The following EGFLAM variants were observed in gnomAD, a reference collection of about 807,000 sequenced individuals.
EGFLAM encodes EGF like, fibronectin type III and laminin G domains.
In EGFLAM, 79 loss-of-function variants were observed where a neutral mutation model predicts 113.1. The ratio of observed to expected loss-of-function variants is 0.70; its 90% CI spans 0.58 to 0.84. The LOEUF (loss-of-function observed/expected upper bound fraction) is 0.84, where lower values mean the gene tolerates loss of function less well. EGFLAM is among the 40% of genes least tolerant of loss of function. EGFLAM has a pLI of 0.00. For missense variants in EGFLAM, 1,265 were observed against 1,291.6 expected (o/e 0.98, Z 0.32); for synonymous variants, 504 against 487.6 (o/e 1.03, Z -0.44).
At position 38,438,326 on chromosome 5, in the gene EGFLAM, G is replaced by A. The variant is rs368992352; in HGVS notation, c.2335G>A (p.Val779Met). 41 of 1,614,042 alleles carry A rather than the reference G, an allele frequency of 2.5e-5. No individual in the cohort carries two copies. Among genetic ancestry groups the A allele is most frequent in the Non-Finnish European group, 3.3e-5 (39 of 1,180,028 alleles). Residue 779 changes from valine to methionine, a missense_variant, in exon 17 of 22, where the codon GTG (valine) becomes ATG (methionine). Transcript: ENST00000322350. ...TGTGAAGCATGACTTCACCTCCGGA[G>A]TGAATGTGGAGAATGCGGCCCACCC... ...IHVKHDFTSGVNVENAAHPCV... is the reference protein window; with the variant it reads ...IHVKHDFTSGMNVENAAHPCV...
At chr5:38,265,897 A>G (rs1360281712) in intron 1 of EGFLAM, among the ~76,000 whole-genome samples, 1 of 152,222 alleles carries the variant, frequency 6.6e-6, no homozygotes, top group Non-Finnish European at 1.5e-5. Flanking sequence ...ACATGCCAAA[A>G]GAGAGTTTGG....
intron 1 of EGFLAM, among the ~76,000 whole-genome samples, chr5:38,276,647 A>T (rs1757894204): frequency 6.6e-6 from 1 of 152,100 alleles, no homozygotes; most frequent in South Asian, 2.1e-4. Flanking sequence ...TGGTTTTTTT[A>T]AAAAAGATAA....
rs767382548 is a variant in EGFLAM at position 38,406,910 on chromosome 5, C to A, written c.911C>A (p.Thr304Asn). 1 of 1,614,212 alleles carries A rather than the reference C, an allele frequency of 6.2e-7. No individual in the cohort carries two copies. The highest frequency in any genetic ancestry group is 8.5e-7 in the Non-Finnish European group (1 of 1,180,042). ...AAGATGTCTATATCTAACCCAAAGA[C>A]CATTTCTAGGCTCATCCCCCCTACC... ...SKKMSISNPK[T>N]ISRLIPPTSA... The change falls in exon 8 of 22, where the codon ACC becomes AAC. Residue 304 changes from threonine to asparagine, a missense_variant. Physicochemically the swap from Thr to Asn is moderately conservative, Grantham distance 65. Coordinates refer to ENST00000322350, the MANE Select transcript of EGFLAM (RefSeq NM_152403.4).
chr5:38,386,690 A>G (rs1740671027), intron 6 of EGFLAM, among the ~76,000 whole-genome samples: 1 of 152,072 alleles, frequency 6.6e-6, no homozygotes, highest in African/African-American at 2.4e-5. Flanking sequence ...TATTTTTAGT[A>G]GAGACGGGGT....
At chr5:38,363,817 A>C (rs760768767) in intron 5 of EGFLAM, among the ~76,000 whole-genome samples, 10 of 152,186 alleles carry the variant, frequency 6.6e-5, no homozygotes, top group Admixed American at 2.0e-4. Context: ...GTTGTCTTAG[A>C]TCAGGGGTTG....
chr5:38,391,338 A>G (rs765841904), intron 6 of EGFLAM, among the ~76,000 whole-genome samples: 2 of 151,512 alleles, frequency 1.3e-5, no homozygotes, highest in Non-Finnish European at 2.9e-5. Context: ...CAGTTTCTTT[A>G]TCCCTACTTT....
At chr5:38,459,874 G>A (rs1561107887) in intron 20 of EGFLAM, among the ~76,000 whole-genome samples, 1 of 152,188 alleles carries the variant, frequency 6.6e-6, no homozygotes. Flanking sequence ...TTCCCAGATG[G>A]TCTAGAAAGC....
chr5:38,314,612 A>G (rs976682957), intron 1 of EGFLAM, among the ~76,000 whole-genome samples: 2 of 152,246 alleles, frequency 1.3e-5, no homozygotes, highest in African/African-American at 4.8e-5. Flanking sequence ...GACAGGGCCT[A>G]GGTGAGCACT....
At chr5:38,304,138 A>G (rs866907134) in intron 1 of EGFLAM, among the ~76,000 whole-genome samples, 8 of 152,102 alleles carry the variant, frequency 5.3e-5, no homozygotes, top group Middle Eastern at 3.4e-3. Context: ...AAAAAAAAAA[A>G]AAAGAAAGAA....
At chr5:38,348,966 G>C (rs1014584784) in intron 3 of EGFLAM, among the ~76,000 whole-genome samples, 1 of 152,192 alleles carries the variant, frequency 6.6e-6, no homozygotes, top group African/African-American at 2.4e-5. Flanking sequence ...GATTTAAGTG[G>C]TCTGGAGTGG....
In EGFLAM at chr5:38,339,466, G is replaced by A. The variant is rs550008114; in HGVS notation, c.291+685G>A. 2.6e-5 allele frequency among the ~76,000 whole-genome samples: 4 copies of A among 152,276 alleles called. No individual in the cohort carries two copies. The South Asian group carries it at 8.3e-4, about 32-fold the overall frequency. ...TCATAACACTATTATAATGGTGGTG[G>A]TGGTGCTAACTCCTGTTTGATCCGT... On this transcript the variant is annotated intron_variant, in intron 3 of 21. Transcript: ENST00000322350.
chr5:38,259,034 G>C (rs1757432192), intron 1 of EGFLAM, among the ~76,000 whole-genome samples, 183 bp downstream of exon 1: 1 of 152,234 alleles, frequency 6.6e-6, no homozygotes, highest in Non-Finnish European at 1.5e-5. Flanking sequence ...CCCGGGCGGC[G>C]CTAGGGATAT....
At chr5:38,455,046 GT>G (rs1743042938) in intron 19 of EGFLAM, among the ~76,000 whole-genome samples, 1 of 152,154 alleles carries the variant, frequency 6.6e-6, no homozygotes. Flanking sequence ...CACCGGTGGG[GT>G]TTGTGAACAT....
At chr5:38,418,306 T>C (rs1741720193) in intron 12 of EGFLAM, 51 bp downstream of exon 12, 3 of 1,591,450 alleles carry the variant, frequency 1.9e-6, no homozygotes, top group East Asian at 2.3e-5. Flanking sequence ...TTATGTCTTA[T>C]GGGACTGCCT....
chr5:38,456,682 G>T (rs1162628358), intron 19 of EGFLAM, among the ~76,000 whole-genome samples: 1 of 152,186 alleles, frequency 6.6e-6, no homozygotes, highest in African/African-American at 2.4e-5. Context: ...GCTTTCTCTG[G>T]AGAAAGCCAA....
intron 13 of EGFLAM, 36 bp from the exon 14 acceptor site, chr5:38,426,973 A>G: frequency 1.2e-6 from 2 of 1,609,174 alleles, no homozygotes; most frequent in Non-Finnish European, 1.7e-6. Context: ...AGTTTCTGCC[A>G]CAGAGGGATT....
intron 12 of EGFLAM, among the ~76,000 whole-genome samples, chr5:38,419,256 CTG>C (rs1741753403): frequency 6.6e-6 from 1 of 152,196 alleles, no homozygotes; most frequent in African/African-American, 2.4e-5. Flanking sequence ...AGGACTTCAA[CTG>C]TGAATTTTGG....
At chr5:38,260,616 TG>T in intron 1 of EGFLAM, among the ~76,000 whole-genome samples, 1 of 152,236 alleles carries the variant, frequency 6.6e-6, no homozygotes, top group Non-Finnish European at 1.5e-5. Flanking sequence ...TTAAATACTT[TG>T]GCATATTAAT....
chr5:38,299,385 A>C (rs1051765650), intron 1 of EGFLAM, among the ~76,000 whole-genome samples: 1 of 152,240 alleles, frequency 6.6e-6, no homozygotes, highest in South Asian at 2.1e-4. Context: ...CTGTGGCAAG[A>C]CAGTGAGCCA....
Sources: allele counts gnomAD v4.1 joint callset (sites outside exome capture counted in the v4.1 genomes callset), GRCh38; gene constraint gnomAD v4.1.1; transcripts MANE v1.5; gene names NCBI Gene and HGNC (gene_info 2026-07-23, HGNC 2026-07-21).